The following SYT14 variants were observed in gnomAD, a reference collection of about 807,000 sequenced individuals.
SYT14 encodes synaptotagmin-14.
Under a neutral mutation model 74.2 loss-of-function variants are expected in SYT14, and 32 were observed. That is an observed-to-expected ratio of 0.43 (90% CI 0.33 to 0.58). The LOEUF (loss-of-function observed/expected upper bound fraction) is 0.58. SYT14 is among the 20% of genes least tolerant of loss of function. The pLI is 0.05. For synonymous variants in SYT14, 298 were observed against 337.7 expected (o/e 0.88, Z 1.29); for missense variants, 791 against 981.8 (o/e 0.81, Z 2.60).
At chr1:210,032,737 TTC>T (rs1420761645) in intron 5 of SYT14, among the ~76,000 whole-genome samples, 2 of 96,228 alleles carry the variant, frequency 2.1e-5, no homozygotes, top group Non-Finnish European at 3.7e-5. Context: ...AATATATCAA[TTC>T]TGTTTTTTTA....
chr1:210,040,578 A>G (rs1395480507), intron 5 of SYT14, among the ~76,000 whole-genome samples: 1 of 152,184 alleles, frequency 6.6e-6, no homozygotes, highest in East Asian at 1.9e-4. Flanking sequence ...TTGTTCATTT[A>G]TACATGTTAC....
chr1:210,134,429 T>G (rs975805128), intron 7 of SYT14, among the ~76,000 whole-genome samples: 3 of 152,128 alleles, frequency 2.0e-5, no homozygotes, highest in Non-Finnish European at 4.4e-5. Context: ...CTCTTAACTA[T>G]GCATTACTCT....
intron 6 of SYT14, among the ~76,000 whole-genome samples, chr1:210,098,997 T>G (rs922864694): frequency 1.1e-4 from 16 of 152,190 alleles, no homozygotes; most frequent in African/African-American, 2.9e-4. Context: ...AGGAAGGTTT[T>G]GTTTTGTTTT....
intron 2 of SYT14, among the ~76,000 whole-genome samples, chr1:209,972,542 T>C (rs562024237): frequency 2.0e-5 from 3 of 152,272 alleles, no homozygotes; most frequent in South Asian, 4.1e-4. Context: ...TTTTGTATGT[T>C]GTGTCTCTGT....
rs187440769 is a variant in SYT14, at chr1:209,968,144, A to G, written c.-486+15388A>G. Among the ~76,000 whole-genome samples, 300 of 152,308 alleles carry G rather than the reference A, an allele frequency of 2.0e-3. 2 individuals carry two copies. Among genetic ancestry groups the G allele is most frequent in the African/African-American group, 7.1e-3 (294 of 41,574 alleles). On this transcript the variant is annotated intron_variant, in intron 2 of 9. Transcript: ENST00000637265. ...CAATCAGGTGCTTATATCTATGCAT[A>G]AGTTCACTGGGACTGTGACAGAATG...
chr1:210,104,238 T>G (rs565828491), intron 7 of SYT14, among the ~76,000 whole-genome samples: 13 of 152,322 alleles, frequency 8.5e-5, no homozygotes, highest in Non-Finnish European at 1.5e-4. Flanking sequence ...AAGAATCCAG[T>G]GAGAACAGCA....
At chr1:210,027,284 C>A (rs2080433889) in intron 5 of SYT14, among the ~76,000 whole-genome samples, 1 of 151,796 alleles carries the variant, frequency 6.6e-6, no homozygotes, top group Non-Finnish European at 1.5e-5. Context: ...GCCTAGTGGC[C>A]CATGCCTGTA....
intron 5 of SYT14, among the ~76,000 whole-genome samples, chr1:210,094,048 T>C (rs1231900502): frequency 6.8e-6 from 1 of 146,866 alleles, no homozygotes; most frequent in East Asian, 2.0e-4. Flanking sequence ...TTAATACTTA[T>C]CACTCCCTAA....
chr1:210,039,573 A>G (rs1254921701), intron 5 of SYT14, among the ~76,000 whole-genome samples: 1 of 152,218 alleles, frequency 6.6e-6, no homozygotes, highest in African/African-American at 2.4e-5. Context: ...ACAGCAAAAG[A>G]AACTGTCATC....
chr1:210,082,345 A>T (rs1432880841), intron 5 of SYT14, among the ~76,000 whole-genome samples: 1 of 152,178 alleles, frequency 6.6e-6, no homozygotes, highest in African/African-American at 2.4e-5. Flanking sequence ...ATTCTAAGCA[A>T]AGTTGAGAAC....
chr1:210,120,651 A>G (rs572708632), intron 7 of SYT14, among the ~76,000 whole-genome samples: 1 of 152,162 alleles, frequency 6.6e-6, no homozygotes, highest in East Asian at 1.9e-4. Flanking sequence ...CACAATGACA[A>G]AATTGCCAAA....
At chr1:210,071,008 CT>C (rs1348307936) in intron 5 of SYT14, among the ~76,000 whole-genome samples, 3 of 138,620 alleles carry the variant, frequency 2.2e-5, no homozygotes, top group Non-Finnish European at 3.0e-5. Flanking sequence ...TTGATAAAAA[CT>C]TCAGACATGT....
chr1:210,002,361 G>C (rs1228923621), intron 2 of SYT14, among the ~76,000 whole-genome samples: 1 of 151,774 alleles, frequency 6.6e-6, no homozygotes, highest in Non-Finnish European at 1.5e-5. Context: ...TGAAAGATTA[G>C]TTTTGCCTGT....
intron 7 of SYT14, among the ~76,000 whole-genome samples, chr1:210,126,575 T>C (rs2082575175): frequency 6.6e-6 from 1 of 152,238 alleles, no homozygotes; most frequent in African/African-American, 2.4e-5. Flanking sequence ...TATTCCCATG[T>C]AATTTGTTTT....
intron 2 of SYT14, among the ~76,000 whole-genome samples, chr1:209,969,333 G>T (rs1475552287): frequency 6.6e-6 from 1 of 151,996 alleles, no homozygotes; most frequent in Non-Finnish European, 1.5e-5. Context: ...TGCTTTCCAT[G>T]GTGGCTAAAC....
intron 7 of SYT14, among the ~76,000 whole-genome samples, chr1:210,124,244 GAAA>G (rs67430639): frequency 7.1e-6 from 1 of 140,258 alleles, no homozygotes; most frequent in African/African-American, 2.9e-5. Context: ...AGACAGAAAT[GAAA>G]AAAAAAAATA....
intron 2 of SYT14, among the ~76,000 whole-genome samples, chr1:209,972,787 G>A (rs1001458176): frequency 1.3e-5 from 2 of 152,104 alleles, no homozygotes; most frequent in African/African-American, 4.8e-5. Context: ...ATCTTAGAGT[G>A]TGTTCTGTGT....
chr1:210,000,240 ACT>A (rs1314974413), intron 2 of SYT14, among the ~76,000 whole-genome samples: 1 of 151,984 alleles, frequency 6.6e-6, no homozygotes, highest in Non-Finnish European at 1.5e-5. Context: ...TTGAATCCTG[ACT>A]CTGCCACTTA....
rs1372415782 is a variant in SYT14 at position 209,975,634 on chromosome 1, A to G, written c.-486+22878A>G. On this transcript the variant is annotated intron_variant, in intron 2 of 9. Transcript: ENST00000637265. ...TATTTTATTGAGGATTTTTGTATCA[A>G]TGTTCATCAGGGATATTGGTCTAAA... is the stretch of plus-strand genomic sequence containing the variant. 3.9e-5 allele frequency among the ~76,000 whole-genome samples: 6 copies of G among 152,182 alleles called. No individual in the cohort carries two copies. In the East Asian group the frequency reaches 5.8e-4, roughly 15 times the overall value.
Sources: allele counts gnomAD v4.1 joint callset (sites outside exome capture counted in the v4.1 genomes callset), GRCh38; gene constraint gnomAD v4.1.1; transcripts MANE v1.5; gene names NCBI Gene and HGNC (gene_info 2026-07-23, HGNC 2026-07-21).